RABGAP1L: variants seen among roughly 807,000 people sequenced by gnomAD.
RABGAP1L encodes RAB GTPase activating protein 1 like, also known as rab GTPase-activating protein 1-like.
RABGAP1L carries 63 observed loss-of-function variants against 137.7 expected under a neutral mutation model. The ratio of observed to expected loss-of-function variants is 0.46; its 90% confidence interval spans 0.37 to 0.56. The LOEUF is 0.56. Among genes scored for constraint, RABGAP1L ranks in the 20% least tolerant of loss-of-function variants. The pLI is 0.00. For synonymous variants in RABGAP1L, 431 were observed against 433.7 expected, an observed-to-expected ratio of 0.99 and a Z score of 0.08; for missense variants, 1,095 against 1,244.0, an observed-to-expected ratio of 0.88 and a Z score of 1.80.
chr1:174,416,819 G>GTGTTATA (rs1006260770), intron 13 of RABGAP1L, among the ~76,000 whole-genome samples: 1 of 152,066 alleles, frequency 6.6e-6, no homozygotes, highest in African/African-American at 2.4e-5. Flanking sequence ...CATTACGTAT[G>GTGTTATA]TGTTATATGT....
Position 174,754,193 on chromosome 1 carries a change from CTAGT to C in RABGAP1L, c.2211+1843_2211+1846del, listed in dbSNP as rs1684545646. 2.0e-5 allele frequency among the ~76,000 whole-genome samples: 3 copies of C among 152,248 alleles called. No homozygotes were observed. In the South Asian group the frequency reaches 6.2e-4, roughly 32 times the overall value. ...TGTAGCATCATCTTAGAGAATTTTA[CTAGT>C]TAGAGAAGATAAAAAGAGCCTTCTC... On this transcript the variant is annotated intron_variant, in intron 18 of 25. Transcript: ENST00000681986.
At chr1:174,450,161 T>A (rs531817774) in intron 13 of RABGAP1L, among the ~76,000 whole-genome samples, 2 of 152,272 alleles carry the variant, frequency 1.3e-5, no homozygotes, top group South Asian at 4.1e-4. Context: ...CACTAGTAAT[T>A]GTAATGCAGA....
intron 13 of RABGAP1L, among the ~76,000 whole-genome samples, chr1:174,532,226 T>TG (rs200621063): frequency 6.6e-6 from 1 of 151,634 alleles, no homozygotes; most frequent in Non-Finnish European, 1.5e-5. Flanking sequence ...TTTTTTTTTT[T>TG]GGGACACAGT....
chr1:174,853,204 A>G (rs1407688745), intron 19 of RABGAP1L, among the ~76,000 whole-genome samples: 1 of 148,364 alleles, frequency 6.7e-6, no homozygotes, highest in Non-Finnish European at 1.5e-5. Flanking sequence ...TAAGAATGCC[A>G]CTTGAAAGAA....
intron 11 of RABGAP1L, among the ~76,000 whole-genome samples, chr1:174,333,366 G>A (rs1325140039): frequency 6.6e-6 from 1 of 152,152 alleles, no homozygotes; most frequent in East Asian, 1.9e-4. Context: ...GTGATCATAT[G>A]CTAATTACCG....
intron 14 of RABGAP1L, among the ~76,000 whole-genome samples, chr1:174,671,319 A>C (rs972775505): frequency 6.6e-6 from 1 of 152,036 alleles, no homozygotes; most frequent in South Asian, 2.1e-4. Context: ...GATGCCTTTT[A>C]TTTCTTTCTT....
At chr1:174,486,026 G>C (rs1193121497) in intron 13 of RABGAP1L, among the ~76,000 whole-genome samples, 1 of 152,138 alleles carries the variant, frequency 6.6e-6, no homozygotes, top group African/African-American at 2.4e-5. Flanking sequence ...TTATTGGTCT[G>C]TTCAGGTTTT....
At chr1:174,909,935 C>T (rs762148196) in intron 19 of RABGAP1L, among the ~76,000 whole-genome samples, 3 of 152,110 alleles carry the variant, frequency 2.0e-5, no homozygotes, top group Non-Finnish European at 2.9e-5. Flanking sequence ...GTCAGGAGAT[C>T]GAAACCATCC....
At chr1:174,662,480 A>C (rs576525189) in intron 14 of RABGAP1L, among the ~76,000 whole-genome samples, 70 of 152,106 alleles carry the variant, frequency 4.6e-4, no homozygotes, top group African/African-American at 1.6e-3. Flanking sequence ...GCAGTGGCGC[A>C]ATCTCGGCTC....
At chr1:174,460,708 C>G (rs915579294) in intron 13 of RABGAP1L, among the ~76,000 whole-genome samples, 34 of 152,202 alleles carry the variant, frequency 2.2e-4, no homozygotes, top group African/African-American at 8.2e-4. Flanking sequence ...TGCAAACTTG[C>G]TAGCATCAAT....
intron 19 of RABGAP1L, among the ~76,000 whole-genome samples, chr1:174,854,662 A>G (rs796738128): frequency 4.1e-5 from 6 of 144,950 alleles, no homozygotes; most frequent in African/African-American, 1.3e-4. Flanking sequence ...AGTGAATTTG[A>G]AAAAAAAACT....
At position 174,176,741 on chromosome 1, in the gene RABGAP1L, A is replaced by AAAAAATAAAATAAAAT. The variant is rs755688394; in HGVS notation, c.-34+17089_-34+17090insTAAAATAAAATAAAAA. On this transcript the variant is annotated intron_variant, in intron 1 of 25. Coordinates refer to ENST00000681986, the MANE Select transcript of RABGAP1L (RefSeq NM_001366446.1). ...AAAAAAAAAAAAAAAAAAAAAAAAA[A>AAAAAATAAAATAAAAT]AAAAAGGTCAACATTTGTTAATACT... Among the ~76,000 whole-genome samples, 152 of 111,796 alleles carry AAAAAATAAAATAAAAT rather than the reference A, an allele frequency of 1.4e-3. 7 individuals carry two copies. The highest frequency in any genetic ancestry group is 1.7e-3 in the South Asian group (6 of 3,500). The allele number at this position is 111,796 out of a possible 152,430, so 73.3% of individuals were successfully genotyped here.
intron 13 of RABGAP1L, among the ~76,000 whole-genome samples, chr1:174,503,733 A>T (rs963694652): frequency 6.6e-6 from 1 of 151,906 alleles, no homozygotes; most frequent in African/African-American, 2.4e-5. Flanking sequence ...GAACTATCTA[A>T]ACAAGAAATG....
intron 20 of RABGAP1L, 125 bp downstream of exon 20, chr1:174,957,674 C>T: frequency 1.0e-6 from 1 of 969,598 alleles, no homozygotes; most frequent in East Asian, 2.6e-5. Context: ...ACTCCAGTCT[C>T]CCAAGTAGCT....
intron 13 of RABGAP1L, among the ~76,000 whole-genome samples, chr1:174,465,896 A>G (rs1369638604): frequency 6.6e-6 from 1 of 152,172 alleles, no homozygotes; most frequent in African/African-American, 2.4e-5. Flanking sequence ...GTTATGTGGG[A>G]GATGAAGCTG....
intron 19 of RABGAP1L, among the ~76,000 whole-genome samples, chr1:174,951,734 C>T (rs575625434): frequency 1.2e-4 from 18 of 152,222 alleles, no homozygotes; most frequent in East Asian, 5.8e-4. Context: ...GACAGGCAGC[C>T]GCTACTGACA....
At chr1:174,352,435 C>G (rs1382247621) in intron 11 of RABGAP1L, among the ~76,000 whole-genome samples, 1 of 152,002 alleles carries the variant, frequency 6.6e-6, no homozygotes, top group Non-Finnish European at 1.5e-5. Context: ...TAATTTCAGT[C>G]TCTTTGTTAA....
intron 14 of RABGAP1L, among the ~76,000 whole-genome samples, chr1:174,667,374 AGGGTATG>A (rs1676866070): frequency 6.6e-6 from 1 of 152,198 alleles, no homozygotes; most frequent in South Asian, 2.1e-4. Flanking sequence ...GAAGGTAATA[AGGGTATG>A]GGCTTTATGT....
chr1:174,730,420 A>G (rs1682366723), intron 17 of RABGAP1L, among the ~76,000 whole-genome samples: 1 of 152,194 alleles, frequency 6.6e-6, no homozygotes, highest in South Asian at 2.1e-4. Flanking sequence ...AGCATTATGC[A>G]ATATAGCCAT....
Sources: gnomAD v4.1 joint callset for allele counts (sites outside exome capture counted in the v4.1 genomes callset) on GRCh38, gnomAD v4.1.1 for gene constraint, MANE v1.5 for transcripts, NCBI Gene and HGNC (gene_info 2026-07-23, HGNC 2026-07-21) for gene names.